The following MARK2 variants were observed in gnomAD, a reference collection of about 807,000 sequenced individuals.
MARK2 encodes microtubule affinity regulating kinase 2, also known as serine/threonine-protein kinase MARK2.
A neutral mutation model predicts 89.8 loss-of-function variants in MARK2; 16 were observed. The ratio of observed to expected loss-of-function variants is 0.18; its 90% confidence interval spans 0.12 to 0.27. MARK2 has a LOEUF of 0.27. Among genes scored for constraint, MARK2 ranks in the 10% least tolerant of loss-of-function variants. The pLI is 1.00. For missense variants in MARK2, 621 were observed against 1,049.9 expected, an observed-to-expected ratio of 0.59 and a Z score of 5.65; for synonymous variants, 382 against 399.5, an observed-to-expected ratio of 0.96 and a Z score of 0.52.
intron 1 of MARK2, among the ~76,000 whole-genome samples, chr11:63,876,079 G>C (rs572428277): frequency 6.7e-4 from 102 of 152,346 alleles, no homozygotes; most frequent in African/African-American, 2.3e-3. Context: ...TTCATCAGGG[G>C]AGAGTAGAGT....
chr11:63,889,305 CTT>C (rs1939637563), intron 1 of MARK2, among the ~76,000 whole-genome samples: 2 of 152,212 alleles, frequency 1.3e-5, no homozygotes, highest in Admixed American at 1.3e-4. Context: ...CCAAGGGACA[CTT>C]TTCTCCCCCA....
At position 63,909,631 on chromosome 11, in the gene MARK2, G is replaced by T. The variant is rs1941624091; in HGVS notation, c.*394G>T. 6.3e-6 allele frequency: 1 copy of T among 158,406 alleles called. No homozygotes were observed. The highest frequency in any genetic ancestry group is 6.2e-5 in the Admixed American group (1 of 16,048). 9.8% of individuals were successfully genotyped at this position (158,406 alleles called of 1,614,324 possible). On this transcript the variant is annotated 3_prime_UTR_variant, in exon 19 of 19. Coordinates refer to ENST00000402010, the MANE Select transcript of MARK2 (RefSeq NM_001039469.3). ...CCACCTTTCCTCCCTGCCCCATTGG[G>T]ACAGTCGAGACTGGATCTGTGGGGT...
chr11:63,858,245 G>T (rs1465363217), intron 1 of MARK2, among the ~76,000 whole-genome samples: 1 of 151,994 alleles, frequency 6.6e-6, no homozygotes, highest in African/African-American at 2.4e-5. Flanking sequence ...TAGGCTCCTG[G>T]CTTCAATTGA....
chr11:63,844,620 C>G (rs1403030419), intron 1 of MARK2, among the ~76,000 whole-genome samples: 1 of 152,212 alleles, frequency 6.6e-6, no homozygotes, highest in Non-Finnish European at 1.5e-5. Context: ...TCTTTCAGAC[C>G]AACCAAAGTT....
At chr11:63,859,315 A>G (rs1357783702) in intron 1 of MARK2, among the ~76,000 whole-genome samples, 1 of 143,324 alleles carries the variant, frequency 7.0e-6, no homozygotes, top group Non-Finnish European at 1.5e-5. Flanking sequence ...TAACCTGTTT[A>G]TTTCTTTTTT....
chr11:63,876,885 G>T (rs971643769), intron 1 of MARK2, among the ~76,000 whole-genome samples: 2 of 152,140 alleles, frequency 1.3e-5, no homozygotes, highest in Non-Finnish European at 2.9e-5. Flanking sequence ...GGGTGGTTCT[G>T]GTTCCTGAGG....
chr11:63,854,790 C>A (rs1301768018), intron 1 of MARK2, among the ~76,000 whole-genome samples: 4 of 139,486 alleles, frequency 2.9e-5, no homozygotes, highest in Non-Finnish European at 6.1e-5. Context: ...TAGCCTGGAC[C>A]AACAACAGCG....
At chr11:63,869,045 TTTC>T in intron 1 of MARK2, 1 of 353,220 alleles carries the variant, frequency 2.8e-6, no homozygotes, top group South Asian at 2.1e-5. Context: ...GGATGACCAT[TTTC>T]TTCTTCCTTG....
chr11:63,848,549 ATT>A (rs779169841), intron 1 of MARK2, among the ~76,000 whole-genome samples: 2,364 of 123,522 alleles, frequency 0.019, 59 homozygotes, highest in African/African-American at 0.067. Flanking sequence ...CACCCGGCTA[ATT>A]TTTTTTTTTT....
rs140955374 is a variant in MARK2 at position 63,904,320 on chromosome 11, A to G, written c.1676+173A>G. On this transcript the variant is annotated intron_variant, in intron 15 of 18. Coordinates refer to ENST00000402010, the MANE Select transcript of MARK2 (RefSeq NM_001039469.3). This position sits in a 1 kb window ranked among gnomAD's most constrained non-coding sequence, Gnocchi z 6.3. ...GTGGAGGGAACAAAAAAGAGCATTA[A>G]TGCCCCTCTTTTCCAGTTCTCCCTC... Among the ~76,000 whole-genome samples the G allele has an allele frequency of 5.9e-5, 9 of 152,268 alleles. No individual in the cohort carries two copies. Among genetic ancestry groups the G allele is most frequent in the Admixed American group, 5.9e-4 (9 of 15,312 alleles).
intron 1 of MARK2, among the ~76,000 whole-genome samples, chr11:63,850,969 C>G (rs903768043): frequency 1.3e-5 from 2 of 152,130 alleles, no homozygotes; most frequent in African/African-American, 4.8e-5. Flanking sequence ...TCTTCAAGTA[C>G]GGTATTGACC....
chr11:63,904,006 G>C lies in MARK2; in HGVS notation c.1535G>C (p.Arg512Pro), dbSNP rs184840760. ...CCTAGCCTAACCATGCCAGGGTCCCGGGCCTCCACGGCTTCTGCTTCTGCC... is the reference window on the plus strand; with the variant it reads ...CCTAGCCTAACCATGCCAGGGTCCCCGGCCTCCACGGCTTCTGCTTCTGCC... ...GKDSLTMPGS[R>P]ASTASASAAV... The change falls in exon 15 of 19, where the codon CGG becomes CCG. Residue 512 changes from arginine to proline, a missense_variant. Transcript: ENST00000402010. The surrounding 1 kb of genome is among the most constrained non-coding windows in gnomAD (Gnocchi z 6.3). 1 of 1,607,778 alleles carries C rather than the reference G, an allele frequency of 6.2e-7. No individual in the cohort carries two copies. Among genetic ancestry groups the C allele is most frequent in the Admixed American group, 1.7e-5 (1 of 59,300 alleles).
chr11:63,883,807 G>A (rs541488290), intron 1 of MARK2, among the ~76,000 whole-genome samples: 24 of 152,152 alleles, frequency 1.6e-4, no homozygotes, highest in South Asian at 6.2e-4. Context: ...GGCTGGCCTC[G>A]AGTTCCTAGG....
Position 63,900,029 on chromosome 11 carries a change from C to T in MARK2, c.687C>T (p.Pro229=), listed in dbSNP as rs368277161. The change falls in exon 8 of 19, where the codon CCC becomes CCT. Residue 229 remains proline (P), a synonymous_variant. Transcript: ENST00000402010. The surrounding 1 kb of genome is among the most constrained non-coding windows in gnomAD (Gnocchi z 4.7). ...ELFQGKKYDG[P]EVDVWSLGVI... ...TCCAGGGCAAAAAATATGATGGACC[C>T]GAGGTGGATGTGTGGAGCCTAGGAG... 9 of 1,614,048 alleles carry T rather than the reference C, an allele frequency of 5.6e-6. No homozygotes were observed. The highest frequency in any genetic ancestry group is 5.3e-5 in the African/African-American group (4 of 74,918).
intron 1 of MARK2, chr11:63,888,917 T>G (rs1240850177): frequency 7.4e-7 from 1 of 1,350,672 alleles, no homozygotes; most frequent in Non-Finnish European, 9.8e-7. Context: ...TGCTGTGGGC[T>G]CTGCTGAATG....
chr11:63,883,994 T>C (rs914202759), intron 1 of MARK2, among the ~76,000 whole-genome samples: 3 of 152,216 alleles, frequency 2.0e-5, no homozygotes, highest in East Asian at 1.9e-4. Flanking sequence ...ACTTTGCTCA[T>C]GTTCAGTCAG....
chr11:63,862,253 T>G (rs1312066541), intron 1 of MARK2, among the ~76,000 whole-genome samples: 1 of 152,152 alleles, frequency 6.6e-6, no homozygotes, highest in East Asian at 1.9e-4. Context: ...TTAGTAGATC[T>G]CACTGTTTTA....
chr11:63,858,366 AT>A (rs921643929), intron 1 of MARK2, among the ~76,000 whole-genome samples: 15 of 141,890 alleles, frequency 1.1e-4, no homozygotes, highest in South Asian at 2.2e-4. Context: ...CTCAGTTGTA[AT>A]TTTTTTTTTT....
At chr11:63,897,520 T>C (rs929690639) in intron 3 of MARK2, among the ~76,000 whole-genome samples, 4 of 152,244 alleles carry the variant, frequency 2.6e-5, no homozygotes, top group Non-Finnish European at 2.9e-5. Context: ...TTCTGTTCTT[T>C]GTGCAAGTGA....
Sources: gnomAD v4.1 joint callset for allele counts (sites outside exome capture counted in the v4.1 genomes callset) on GRCh38, gnomAD v4.1.1 for gene constraint, Gnocchi (gnomAD v3.1) non-coding constraint, MANE v1.5 for transcripts, NCBI Gene and HGNC (gene_info 2026-07-23, HGNC 2026-07-21) for gene names.